ANKRD30A: variants seen among roughly 807,000 people sequenced by gnomAD.
ANKRD30A encodes the protein ankyrin repeat domain-containing protein 30A.
A neutral mutation model predicts 166.3 loss-of-function variants in ANKRD30A; 170 were observed. That is an observed-to-expected ratio of 1.02 (90% CI 0.90 to 1.16). The LOEUF (loss-of-function observed/expected upper bound fraction) is 1.16, where lower values mean the gene tolerates loss of function less well. Among genes scored for constraint, ANKRD30A ranks in the 50% most tolerant of loss-of-function variants. ANKRD30A has a pLI of 0.00. For missense variants in ANKRD30A, 1,630 were observed against 1,518.0 expected (o/e 1.07, Z -1.23); for synonymous variants, 564 against 508.9 (o/e 1.11, Z -1.46).
chr10:37,253,022 C>G, the ANKRD30A span, among the ~76,000 whole-genome samples: 1 of 152,192 alleles, frequency 6.6e-6, no homozygotes, highest in African/African-American at 2.4e-5. Context: ...CTTGTTAAAT[C>G]ATAACTGCAA....
chr10:37,238,334 T>A, the ANKRD30A span, among the ~76,000 whole-genome samples: 6 of 152,326 alleles, frequency 3.9e-5, no homozygotes, highest in East Asian at 3.9e-4. Flanking sequence ...TTTATTTTTT[T>A]AAATTTTGTT....
At chr10:37,126,030 G>C (rs563750571) in intron 1 of ANKRD30A, 22 bp downstream of exon 1, 2 of 1,611,704 alleles carry the variant, frequency 1.2e-6, no homozygotes, top group Non-Finnish European at 1.7e-6. Context: ...TGCCTGAGCC[G>C]GGGCTGCAGG....
intron 5 of ANKRD30A, among the ~76,000 whole-genome samples, chr10:37,136,062 C>T (rs1836665182): frequency 6.6e-6 from 1 of 152,122 alleles, no homozygotes; most frequent in Admixed American, 6.5e-5. Context: ...AAAGTGCTTG[C>T]ATCACAGGCG....
At chr10:37,126,047 T>TGGG in intron 1 of ANKRD30A, 39 bp downstream of exon 1, 4 of 1,116,840 alleles carry the variant, frequency 3.6e-6, no homozygotes, top group African/African-American at 1.7e-5. Context: ...CAGGAGGAGG[T>TGGG]GGGGGCGGTG....
intron 34 of ANKRD30A, among the ~76,000 whole-genome samples, chr10:37,225,207 A>C (rs1048137064): frequency 3.3e-5 from 5 of 151,454 alleles, no homozygotes; most frequent in Non-Finnish European, 7.4e-5. Context: ...TATGCTGTAC[A>C]TTTTTCTTCA....
intron 5 of ANKRD30A, among the ~76,000 whole-genome samples, 157 bp from the exon 6 acceptor site, chr10:37,136,450 A>G (rs1376254702): frequency 1.3e-5 from 2 of 152,220 alleles, no homozygotes; most frequent in East Asian, 3.8e-4. Flanking sequence ...TAATAAGTTC[A>G]TAGAGCTTAC....
the ANKRD30A span, among the ~76,000 whole-genome samples, chr10:37,263,269 A>G: frequency 3.9e-5 from 6 of 151,962 alleles, no homozygotes; most frequent in East Asian, 1.9e-4. Context: ...GCAGTCCCCA[A>G]CTTTTTTGGC....
Position 37,215,395 on chromosome 10 carries a change from A to G in ANKRD30A, c.2870-786A>G, listed in dbSNP as rs1374499447. ...TGCAATCTTTATTATTTTGCTAAAT[A>G]GTAGGAGGGGTTTCCAGGGGTTTCT... On this transcript the variant is annotated intron_variant, in intron 31 of 35. Coordinates refer to ENST00000361713, the MANE Select transcript of ANKRD30A (RefSeq NM_052997.3). Among the ~76,000 whole-genome samples, 5 of 151,482 alleles carry G rather than the reference A, an allele frequency of 3.3e-5. No homozygotes were observed. In the Admixed American group the frequency reaches 3.3e-4, roughly 10 times the overall value.
At chr10:37,158,849 C>G (rs1013367984) in intron 15 of ANKRD30A, among the ~76,000 whole-genome samples, 8 of 152,106 alleles carry the variant, frequency 5.3e-5, no homozygotes, top group African/African-American at 1.9e-4. Context: ...TTTGCAATTT[C>G]TGTACGTGCT....
At chr10:37,225,768 CA>C (rs1202950090) in intron 34 of ANKRD30A, among the ~76,000 whole-genome samples, 1 of 151,746 alleles carries the variant, frequency 6.6e-6, no homozygotes, top group Non-Finnish European at 1.5e-5. Context: ...ATGATGACTT[CA>C]AGTCACTAGT....
the ANKRD30A span, among the ~76,000 whole-genome samples, chr10:37,248,576 A>C: frequency 6.6e-6 from 1 of 152,190 alleles, no homozygotes; most frequent in Non-Finnish European, 1.5e-5. Context: ...GCAATCACAC[A>C]GCCCTGCATG....
the ANKRD30A span, among the ~76,000 whole-genome samples, chr10:37,260,159 A>G: frequency 1.3e-5 from 2 of 151,842 alleles, no homozygotes; most frequent in Admixed American, 1.3e-4. Context: ...AGAGAAAACT[A>G]AAAAAGAAAA....
intron 15 of ANKRD30A, among the ~76,000 whole-genome samples, chr10:37,161,769 A>G (rs1358225032): frequency 6.6e-6 from 1 of 152,170 alleles, no homozygotes; most frequent in Non-Finnish European, 1.5e-5. Flanking sequence ...GAAAACTAAG[A>G]ACATTGGCTT....
chr10:37,202,027 C>T (rs1358480091), intron 31 of ANKRD30A, among the ~76,000 whole-genome samples: 1 of 152,016 alleles, frequency 6.6e-6, no homozygotes, highest in African/African-American at 2.4e-5. Context: ...AAAAAGTTCT[C>T]AGGTGATGCT....
intron 34 of ANKRD30A, among the ~76,000 whole-genome samples, chr10:37,221,336 A>G (rs985347869): frequency 4.0e-5 from 6 of 151,274 alleles, no homozygotes; most frequent in African/African-American, 1.5e-4. Context: ...TCATTGTGAG[A>G]CAACTTCAAA....
chr10:37,199,933 A>G, intron 30 of ANKRD30A, 145 bp downstream of exon 30: 1 of 502,714 alleles, frequency 2.0e-6, no homozygotes, highest in Non-Finnish European at 3.7e-6. Context: ...TTAATAGAGA[A>G]TCTATGTGCT....
intron 24 of ANKRD30A, among the ~76,000 whole-genome samples, chr10:37,179,180 T>A (rs1236943483): frequency 2.7e-5 from 4 of 150,814 alleles, no homozygotes; most frequent in African/African-American, 9.7e-5. Flanking sequence ...ATTGCCATTT[T>A]ATAAAACCTC....
chr10:37,258,331 C>G, the ANKRD30A span, among the ~76,000 whole-genome samples: 15 of 151,948 alleles, frequency 9.9e-5, no homozygotes, highest in East Asian at 2.9e-3. Context: ...CCAAGAAGAA[C>G]CAAGAAAGTT....
Position 37,157,296 on chromosome 10 carries a change from T to C in ANKRD30A, c.1799-1096T>C, listed in dbSNP as rs149971018. 1.4e-3 allele frequency among the ~76,000 whole-genome samples: 217 copies of C among 152,350 alleles called. 1 individual carries two copies. The highest frequency in any genetic ancestry group is 4.1e-3 in the African/African-American group (171 of 41,584). On this transcript the variant is annotated intron_variant, in intron 13 of 35. Transcript: ENST00000361713. The stretch of plus-strand genomic sequence containing the variant: ...TGAACACTAAAACTGTTATTTTGAA[T>C]AAGCATTATTGTAACATTGAAATAT...
Sources: gnomAD v4.1 joint callset for allele counts (sites outside exome capture counted in the v4.1 genomes callset) on GRCh38, gnomAD v4.1.1 for gene constraint, MANE v1.5 for transcripts, NCBI Gene and HGNC (gene_info 2026-07-23, HGNC 2026-07-21) for gene names.